Variants in GALNT17 observed in about 807,000 individuals in gnomAD.
The protein encoded by GALNT17 is polypeptide N-acetylgalactosaminyltransferase 17.
A neutral mutation model predicts 63.7 loss-of-function variants in GALNT17; 29 were observed. The observed-to-expected ratio is 0.46, with a 90% CI of 0.34 to 0.62. The LOEUF is 0.62. Ranked by LOEUF, GALNT17 falls within the 20% of genes least tolerant of loss-of-function variation. The probability of loss-of-function intolerance (pLI) is 0.01; values close to 1 mark genes in which losing one functional copy is unlikely to be tolerated. For synonymous variants in GALNT17, 305 were observed against 318.3 expected (o/e 0.96, Z 0.45); for missense variants, 603 against 799.6 (o/e 0.75, Z 2.97).
intron 9 of GALNT17, among the ~76,000 whole-genome samples, chr7:71,683,110 G>A (rs895398977): frequency 2.0e-5 from 3 of 152,248 alleles, no homozygotes; most frequent in East Asian, 1.9e-4. Context: ...GATTTAGAAC[G>A]GCAAACCGGA....
chr7:71,217,303 G>C (rs1203819960), intron 1 of GALNT17, among the ~76,000 whole-genome samples: 1 of 151,316 alleles, frequency 6.6e-6, no homozygotes, highest in South Asian at 2.1e-4. Flanking sequence ...TTTTAACTTT[G>C]TATTTTTGGC....
chr7:71,629,564 CA>C (rs1030709008), intron 6 of GALNT17, among the ~76,000 whole-genome samples: 1 of 152,178 alleles, frequency 6.6e-6, no homozygotes, highest in Non-Finnish European at 1.5e-5. Flanking sequence ...ACTGTACCCT[CA>C]AATTCCTGGG....
At chr7:71,458,824 T>C (rs1196720839) in intron 5 of GALNT17, among the ~76,000 whole-genome samples, 1 of 152,140 alleles carries the variant, frequency 6.6e-6, no homozygotes, top group African/African-American at 2.4e-5. Context: ...TCTGCTGCCC[T>C]GTTCAGCGGG....
At chr7:71,581,979 G>A (rs921983422) in intron 6 of GALNT17, among the ~76,000 whole-genome samples, 1 of 152,090 alleles carries the variant, frequency 6.6e-6, no homozygotes, top group Non-Finnish European at 1.5e-5. Flanking sequence ...TTAGAGGAGC[G>A]AGGACATAGG....
intron 1 of GALNT17, among the ~76,000 whole-genome samples, chr7:71,242,890 A>G (rs909878038): frequency 6.6e-6 from 1 of 152,218 alleles, no homozygotes; most frequent in Non-Finnish European, 1.5e-5. Context: ...CTCAATGTTC[A>G]TTGCAGGTGT....
At chr7:71,259,907 C>T (rs10228343) in intron 1 of GALNT17, among the ~76,000 whole-genome samples, 2,311 of 152,136 alleles carry the variant, frequency 0.015, 54 homozygotes, top group African/African-American at 0.053. Flanking sequence ...TCCCAAAGTG[C>T]TGAGATTACA....
chr7:71,710,570 C>A (rs760621939), intron 9 of GALNT17, among the ~76,000 whole-genome samples, 191 bp from the exon 10 acceptor site: 2 of 152,078 alleles, frequency 1.3e-5, no homozygotes, highest in Non-Finnish European at 2.9e-5. Flanking sequence ...GCTCAGAAGC[C>A]TGGGTGGCTT....
chr7:71,285,665 A>G (rs1439600432), intron 1 of GALNT17, among the ~76,000 whole-genome samples: 1 of 152,206 alleles, frequency 6.6e-6, no homozygotes, highest in Non-Finnish European at 1.5e-5. Context: ...AGAGACCCCA[A>G]AAAGATCTCT....
chr7:71,371,120 T>C (rs1399182056), intron 2 of GALNT17, among the ~76,000 whole-genome samples: 1 of 152,202 alleles, frequency 6.6e-6, no homozygotes, highest in Admixed American at 6.5e-5. Flanking sequence ...CAGTGGGCAA[T>C]TGTAGGGTAA....
At chr7:71,678,178 G>A (rs1791180949) in intron 9 of GALNT17, among the ~76,000 whole-genome samples, 1 of 151,686 alleles carries the variant, frequency 6.6e-6, no homozygotes, top group South Asian at 2.1e-4. Context: ...AAACTGGAAT[G>A]CAGTGCCACA....
At chr7:71,593,765 G>A (rs1004883180) in intron 6 of GALNT17, among the ~76,000 whole-genome samples, 3 of 152,184 alleles carry the variant, frequency 2.0e-5, no homozygotes, top group East Asian at 1.9e-4. Flanking sequence ...TGCATTGTGC[G>A]TTGGACAACT....
intron 7 of GALNT17, among the ~76,000 whole-genome samples, chr7:71,667,805 A>ATTTT (rs58037675): frequency 6.7e-6 from 1 of 148,940 alleles, no homozygotes; most frequent in African/African-American, 2.5e-5. Context: ...ATAAAGGGGA[A>ATTTT]TTTTTTTTTT....
At chr7:71,675,209 TC>T (rs1351015314) in intron 8 of GALNT17, among the ~76,000 whole-genome samples, 2 of 151,884 alleles carry the variant, frequency 1.3e-5, no homozygotes, top group Non-Finnish European at 2.9e-5. Context: ...AAAGAAGCTC[TC>T]CTTGTTGGCC....
At chr7:71,256,372 A>C (rs1289848984) in intron 1 of GALNT17, among the ~76,000 whole-genome samples, 2 of 152,136 alleles carry the variant, frequency 1.3e-5, no homozygotes, top group Non-Finnish European at 2.9e-5. Context: ...GGAGTTTGAG[A>C]CCAGCCTGGC....
At chr7:71,642,829 T>G (rs10950273) in intron 6 of GALNT17, among the ~76,000 whole-genome samples, 65,628 of 145,466 alleles carry the variant, frequency 0.45, 16,446 homozygotes, top group East Asian at 0.73. Context: ...AGTGAGACTC[T>G]GTCTCAAAAA....
At chr7:71,678,812 G>A (rs1460330114) in intron 9 of GALNT17, among the ~76,000 whole-genome samples, 4 of 149,250 alleles carry the variant, frequency 2.7e-5, no homozygotes, top group African/African-American at 9.9e-5. Context: ...AAAAAAATTA[G>A]CCAGGCATAG....
intron 9 of GALNT17, among the ~76,000 whole-genome samples, chr7:71,680,745 C>T (rs1308832367): frequency 1.5e-5 from 1 of 67,046 alleles, no homozygotes; most frequent in Non-Finnish European, 3.2e-5. Context: ...TCCTTCCTTT[C>T]TTCCTTTCCT....
intron 6 of GALNT17, among the ~76,000 whole-genome samples, chr7:71,572,484 A>G: frequency 7.2e-6 from 1 of 138,288 alleles, no homozygotes; most frequent in African/African-American, 2.7e-5. Flanking sequence ...CCCAGGCAAC[A>G]GAGCAAGACC....
intron 6 of GALNT17, among the ~76,000 whole-genome samples, chr7:71,583,433 C>A (rs1326675350): frequency 6.6e-6 from 1 of 152,158 alleles, no homozygotes; most frequent in Non-Finnish European, 1.5e-5. Flanking sequence ...AAGAGATAGT[C>A]AGGCCCCCGT....
Sources: gnomAD v4.1 joint callset for allele counts (sites outside exome capture counted in the v4.1 genomes callset) on GRCh38, gnomAD v4.1.1 for gene constraint, MANE v1.5 for transcripts, NCBI Gene and HGNC (gene_info 2026-07-23, HGNC 2026-07-21) for gene names.